Variants in SGCZ observed in about 807,000 individuals in gnomAD.
SGCZ encodes the protein sarcoglycan zeta.
Under a neutral mutation model 41.3 loss-of-function variants are expected in SGCZ, and 40 were observed. That is an observed-to-expected ratio of 0.97 (90% CI 0.75 to 1.26). The LOEUF is 1.26. Among genes scored for constraint, SGCZ ranks in the 50% most tolerant of loss-of-function variants. SGCZ has a pLI of 0.00. For synonymous variants in SGCZ, 206 were observed against 137.5 expected, an observed-to-expected ratio of 1.50 and a Z score of -3.49; for missense variants, 552 against 369.8, an observed-to-expected ratio of 1.49 and a Z score of -4.04.
chr8:14,168,354 G>A (rs932978041), intron 4 of SGCZ, among the ~76,000 whole-genome samples: 2 of 152,088 alleles, frequency 1.3e-5, no homozygotes, highest in Non-Finnish European at 2.9e-5. Context: ...CTGTAATATG[G>A]TTTGGTTGTC....
chr8:14,580,347 G>T (rs1367703751), intron 1 of SGCZ, among the ~76,000 whole-genome samples: 1 of 152,148 alleles, frequency 6.6e-6, no homozygotes. Context: ...TAAGTTTCAA[G>T]AAACCATTTT....
intron 1 of SGCZ, among the ~76,000 whole-genome samples, chr8:14,695,695 G>A (rs938591837): frequency 1.8e-4 from 22 of 124,932 alleles, no homozygotes; most frequent in East Asian, 8.8e-4. Flanking sequence ...ACATGCACAC[G>A]CACACACACA....
At chr8:14,687,325 C>T (rs983865363) in intron 1 of SGCZ, among the ~76,000 whole-genome samples, 2 of 130,392 alleles carry the variant, frequency 1.5e-5, no homozygotes, top group Non-Finnish European at 3.1e-5. Context: ...GGTATATCTC[C>T]TAAAGCTATC....
At chr8:14,382,973 G>C (rs1804425496) in intron 2 of SGCZ, among the ~76,000 whole-genome samples, 2 of 152,046 alleles carry the variant, frequency 1.3e-5, no homozygotes, top group South Asian at 4.2e-4. Flanking sequence ...AAGCTGCTCT[G>C]TCCCCTGAGA....
chr8:14,148,544 A>T (rs374929476), intron 5 of SGCZ, among the ~76,000 whole-genome samples: 2 of 152,186 alleles, frequency 1.3e-5, no homozygotes, highest in Non-Finnish European at 2.9e-5. Flanking sequence ...TAATAAAAAA[A>T]AATCTACCAG....
intron 2 of SGCZ, among the ~76,000 whole-genome samples, chr8:14,417,137 G>C (rs1799515152): frequency 6.6e-6 from 1 of 151,810 alleles, no homozygotes. Flanking sequence ...CCGTCTTAGA[G>C]ACTTCTTAGA....
At chr8:14,793,939 C>T (rs1188442729) in intron 1 of SGCZ, among the ~76,000 whole-genome samples, 1 of 152,150 alleles carries the variant, frequency 6.6e-6, no homozygotes, top group African/African-American at 2.4e-5. Context: ...GGTTCTCCCA[C>T]TTGGCTTCTA....
chr8:15,115,485 G>A (rs564981060), intron 1 of SGCZ, among the ~76,000 whole-genome samples: 9 of 152,254 alleles, frequency 5.9e-5, no homozygotes, highest in Non-Finnish European at 1.3e-4. Flanking sequence ...CAAACAAATT[G>A]ATTTAGGATA....
At chr8:14,921,474 G>T (rs920511179) in intron 1 of SGCZ, among the ~76,000 whole-genome samples, 10 of 151,670 alleles carry the variant, frequency 6.6e-5, no homozygotes, top group African/African-American at 2.4e-4. Context: ...TAACATAAAT[G>T]CTTAGTTAAT....
intron 3 of SGCZ, among the ~76,000 whole-genome samples, chr8:14,293,526 A>T (rs558960486): frequency 6.6e-6 from 1 of 151,976 alleles, no homozygotes; most frequent in Non-Finnish European, 1.5e-5. Flanking sequence ...CTCCGAATGA[A>T]ATTTGTCAGT....
chr8:14,589,452 G>GA (rs1422936029), intron 1 of SGCZ, among the ~76,000 whole-genome samples: 3 of 151,758 alleles, frequency 2.0e-5, no homozygotes, highest in African/African-American at 4.8e-5. Flanking sequence ...AATGTCTGAA[G>GA]AAAAAAACAT....
chr8:15,126,681 A>G (rs1807700758), intron 1 of SGCZ, among the ~76,000 whole-genome samples: 2 of 152,224 alleles, frequency 1.3e-5, no homozygotes, highest in African/African-American at 2.4e-5. Context: ...TCACCAGGAC[A>G]ATGAGTTGAG....
chr8:14,753,871 C>G (rs569513369), intron 1 of SGCZ, among the ~76,000 whole-genome samples: 5 of 152,296 alleles, frequency 3.3e-5, no homozygotes, highest in Middle Eastern at 3.4e-3. Flanking sequence ...TGCCCCAGTA[C>G]TTGAGTTGCT....
intron 4 of SGCZ, among the ~76,000 whole-genome samples, chr8:14,200,845 G>A (rs866050511): frequency 9.9e-5 from 15 of 152,020 alleles, no homozygotes; most frequent in Non-Finnish European, 1.6e-4. Flanking sequence ...ACTGTTAAAG[G>A]AATGAAGATA....
At chr8:14,885,206 A>G (rs952914400) in intron 1 of SGCZ, among the ~76,000 whole-genome samples, 1 of 152,134 alleles carries the variant, frequency 6.6e-6, no homozygotes, top group African/African-American at 2.4e-5. Flanking sequence ...TTGTTTTTAA[A>G]TTGGTCCAGT....
intron 2 of SGCZ, among the ~76,000 whole-genome samples, chr8:14,454,432 T>C (rs1290003887): frequency 6.6e-6 from 1 of 152,190 alleles, no homozygotes; most frequent in Non-Finnish European, 1.5e-5. Flanking sequence ...TAGTCATTTC[T>C]TAATTGTGCC....
Position 14,695,417 on chromosome 8 carries a change from G to C in SGCZ, c.40-140491C>G, listed in dbSNP as rs998400225. Among the ~76,000 whole-genome samples the C allele has an allele frequency of 2.7e-4, 41 of 152,034 alleles. 1 individual carries two copies. The highest frequency in any genetic ancestry group is 2.5e-3 in the Admixed American group (38 of 15,250). On this transcript the variant is annotated intron_variant, in intron 1 of 7. Transcript: ENST00000382080. Reference sequence around the variant, plus strand: ...AATAAGTATCATTAGCAATATTGTGGAAACTTTATCTCATGTGTCCAAAAG... The same window carrying C: ...AATAAGTATCATTAGCAATATTGTGCAAACTTTATCTCATGTGTCCAAAAG...
At chr8:15,229,051 G>A (rs571520609) in intron 1 of SGCZ, among the ~76,000 whole-genome samples, 4 of 152,208 alleles carry the variant, frequency 2.6e-5, no homozygotes, top group Non-Finnish European at 4.4e-5. Flanking sequence ...AATCAGCCAG[G>A]CGTGATGGCG....
At chr8:15,181,262 T>C (rs1348767304) in intron 1 of SGCZ, among the ~76,000 whole-genome samples, 1 of 152,000 alleles carries the variant, frequency 6.6e-6, no homozygotes, top group Non-Finnish European at 1.5e-5. Flanking sequence ...AGAATAAAGA[T>C]TTATTCTTTT....
Sources: allele counts gnomAD v4.1 joint callset (sites outside exome capture counted in the v4.1 genomes callset), GRCh38; gene constraint gnomAD v4.1.1; transcripts MANE v1.5; gene names NCBI Gene and HGNC (gene_info 2026-07-23, HGNC 2026-07-21).